The following APBB2 variants were observed in gnomAD, a reference collection of about 807,000 sequenced individuals.
APBB2 encodes the protein amyloid beta precursor protein binding family B member 2, also known as Fe65-like 1.
APBB2 carries 38 observed loss-of-function variants against 82.5 expected under a neutral mutation model. The observed-to-expected ratio is 0.46, with a 90% CI of 0.36 to 0.60. The LOEUF (loss-of-function observed/expected upper bound fraction) is 0.60, where lower values mean the gene tolerates loss of function less well. Ranked by LOEUF, APBB2 falls within the 20% of genes least tolerant of loss-of-function variation. APBB2 has a pLI of 0.00. For missense variants in APBB2, 772 were observed against 972.3 expected, an observed-to-expected ratio of 0.79 and a Z score of 2.74; for synonymous variants, 341 against 368.2, an observed-to-expected ratio of 0.93 and a Z score of 0.85.
At chr4:41,044,683 GT>G (rs1474727038) in intron 4 of APBB2, among the ~76,000 whole-genome samples, 5 of 152,134 alleles carry the variant, frequency 3.3e-5, no homozygotes, top group Non-Finnish European at 7.4e-5. Flanking sequence ...CAGCGTAAGA[GT>G]TTCCGTCAAA....
intron 1 of APBB2, among the ~76,000 whole-genome samples, chr4:41,155,811 T>C (rs1230747113): frequency 1.3e-5 from 2 of 152,214 alleles, no homozygotes; most frequent in African/African-American, 4.8e-5. Context: ...AGTCACAGAC[T>C]AGTATAGGGT....
At chr4:40,977,043 CA>C (rs60333485) in intron 6 of APBB2, among the ~76,000 whole-genome samples, 23 of 149,060 alleles carry the variant, frequency 1.5e-4, no homozygotes, top group Admixed American at 3.3e-4. Flanking sequence ...GACTTTGTCT[CA>C]AAAAAAAATA....
intron 7 of APBB2, among the ~76,000 whole-genome samples, chr4:40,936,854 C>T (rs890203023): frequency 1.3e-5 from 2 of 152,138 alleles, no homozygotes; most frequent in African/African-American, 4.8e-5. Context: ...GCAATCTTAA[C>T]CTGTTAGCTC....
intron 3 of APBB2, among the ~76,000 whole-genome samples, chr4:41,098,445 A>C (rs1005396538): frequency 1.3e-5 from 2 of 152,068 alleles, no homozygotes; most frequent in African/African-American, 4.8e-5. Flanking sequence ...TGCCCCCCAA[A>C]AGTGTTGGGA....
At chr4:40,846,051 T>C (rs1757532939) in intron 12 of APBB2, among the ~76,000 whole-genome samples, 1 of 151,086 alleles carries the variant, frequency 6.6e-6, no homozygotes. Context: ...TGTGTGTCAT[T>C]TATCAGCTGT....
At chr4:40,897,857 G>A (rs1394082188) in intron 10 of APBB2, among the ~76,000 whole-genome samples, 1 of 152,042 alleles carries the variant, frequency 6.6e-6, no homozygotes, top group Non-Finnish European at 1.5e-5. Context: ...GGCGTAATCA[G>A]TTCTGGGAAT....
chr4:41,042,138 G>A (rs372751606), intron 4 of APBB2, among the ~76,000 whole-genome samples: 31 of 152,028 alleles, frequency 2.0e-4, no homozygotes, highest in African/African-American at 4.8e-4. Flanking sequence ...CTACAGGTGC[G>A]CACCACCACA....
intron 2 of APBB2, among the ~76,000 whole-genome samples, chr4:41,137,102 G>A (rs1159652379): frequency 3.3e-5 from 5 of 152,120 alleles, no homozygotes; most frequent in Admixed American, 2.0e-4. Flanking sequence ...TATGAAAAAT[G>A]TCCCATTTTC....
At chr4:41,013,535 A>T (rs781213232) in intron 6 of APBB2, 48 bp downstream of exon 6, 1 of 1,494,142 alleles carries the variant, frequency 6.7e-7, no homozygotes, top group South Asian at 1.2e-5. Context: ...AGTTGAAAAG[A>T]TAAAAAAAAA....
At chr4:41,019,786 A>G (rs1266719721) in intron 5 of APBB2, among the ~76,000 whole-genome samples, 2 of 152,226 alleles carry the variant, frequency 1.3e-5, no homozygotes, top group African/African-American at 2.4e-5. Context: ...GCAGTCTTCC[A>G]CTGCCGAAGC....
chr4:41,015,180 T>C (rs1444532409), intron 5 of APBB2, among the ~76,000 whole-genome samples: 2 of 152,240 alleles, frequency 1.3e-5, no homozygotes, highest in Non-Finnish European at 2.9e-5. Flanking sequence ...CACATGCCTC[T>C]GCAGAACTCC....
intron 12 of APBB2, among the ~76,000 whole-genome samples, chr4:40,846,450 T>A (rs1452662774): frequency 1.3e-5 from 2 of 151,794 alleles, no homozygotes; most frequent in Non-Finnish European, 2.9e-5. Context: ...AGAATCTACA[T>A]GCCGCAGGTG....
At chr4:40,933,533 G>C (rs946688378) in intron 10 of APBB2, among the ~76,000 whole-genome samples, 1 of 152,160 alleles carries the variant, frequency 6.6e-6, no homozygotes, top group African/African-American at 2.4e-5. Context: ...TGCCAGCCCA[G>C]ACTGGGCTGG....
intron 3 of APBB2, among the ~76,000 whole-genome samples, chr4:41,067,122 T>C (rs1468231731): frequency 6.6e-6 from 1 of 152,152 alleles, no homozygotes; most frequent in African/African-American, 2.4e-5. Context: ...TTTGGGGCAC[T>C]AGAAACTGAG....
intron 4 of APBB2, among the ~76,000 whole-genome samples, chr4:41,047,428 CT>C (rs1397542193): frequency 6.6e-6 from 1 of 152,272 alleles, no homozygotes; most frequent in African/African-American, 2.4e-5. Flanking sequence ...TGTGGCTTGC[CT>C]ATGGGGCCTA....
At chr4:41,093,841 C>T (rs985977181) in intron 3 of APBB2, among the ~76,000 whole-genome samples, 14 of 147,408 alleles carry the variant, frequency 9.5e-5, no homozygotes, top group Non-Finnish European at 1.3e-4. Context: ...GCAACAAGAG[C>T]GAAACTTCAT....
At chr4:41,049,691 A>G (rs1323058608) in intron 4 of APBB2, among the ~76,000 whole-genome samples, 3 of 152,244 alleles carry the variant, frequency 2.0e-5, no homozygotes, top group South Asian at 2.1e-4. Flanking sequence ...TCTAATAGAA[A>G]AGGGGGAAAT....
chr4:40,953,752 C>T lies in APBB2; in HGVS notation c.836-8679G>A, dbSNP rs572763172. Among the ~76,000 whole-genome samples, 11 of 152,294 alleles carry T rather than the reference C, an allele frequency of 7.2e-5. No individual in the cohort carries two copies. The South Asian group carries it at 1.7e-3, about 23-fold the overall frequency. On this transcript the variant is annotated intron_variant, in intron 6 of 17. Coordinates refer to ENST00000508593, the MANE Select transcript of APBB2 (RefSeq NM_004307.2). ...CCTTCCCTCCTTTCTAGTCTCCTGT[C>T]ATCACTGCCTCTGACTGAAGGCACT...
At chr4:40,820,955 G>C (rs558068718) in intron 17 of APBB2, among the ~76,000 whole-genome samples, 1 of 152,040 alleles carries the variant, frequency 6.6e-6, no homozygotes, top group East Asian at 1.9e-4. Flanking sequence ...TGCAACCTCT[G>C]CCTCTCAGGT....
Sources: gnomAD v4.1 joint callset for allele counts (sites outside exome capture counted in the v4.1 genomes callset) on GRCh38, gnomAD v4.1.1 for gene constraint, MANE v1.5 for transcripts, NCBI Gene and HGNC (gene_info 2026-07-23, HGNC 2026-07-21) for gene names.